Variants in MAPKAPK2 observed in about 807,000 individuals in gnomAD.
MAPKAPK2 encodes the protein MAPK activated protein kinase 2.
A neutral mutation model predicts 48.8 loss-of-function variants in MAPKAPK2; 9 were observed. The ratio of observed to expected loss-of-function variants is 0.18; its 90% confidence interval spans 0.11 to 0.32. MAPKAPK2 has a LOEUF of 0.32. Ranked by LOEUF, MAPKAPK2 falls within the 10% of genes least tolerant of loss-of-function variation. The probability of loss-of-function intolerance (pLI) is 1.00; values close to 1 mark genes in which losing one functional copy is unlikely to be tolerated. For synonymous variants in MAPKAPK2, 202 were observed against 190.6 expected (o/e 1.06, Z -0.49); for missense variants, 331 against 498.3 (o/e 0.66, Z 3.20).
intron 1 of MAPKAPK2, among the ~76,000 whole-genome samples, chr1:206,700,242 T>C (rs1672758710): frequency 6.6e-6 from 1 of 152,150 alleles, no homozygotes; most frequent in Admixed American, 6.5e-5. Context: ...AGTCAGTGCT[T>C]GGACTGAGGG....
At position 206,711,607 on chromosome 1, in the gene MAPKAPK2, C is replaced by CTTTTT. The variant is rs781793889; in HGVS notation, c.280-17086_280-17082dup. Among the ~76,000 whole-genome samples the CTTTTT allele has an allele frequency of 6.5e-4, 75 of 115,492 alleles. 1 individual carries two copies. The highest frequency in any genetic ancestry group is 9.5e-4 in the Non-Finnish European group (55 of 57,728). 75.8% of individuals were successfully genotyped at this position (115,492 alleles called of 152,430 possible). A position where few individuals can be genotyped will look rare whatever the true frequency, so the allele number is the denominator to read the frequency against. On this transcript the variant is annotated intron_variant, in intron 1 of 9. Transcript: ENST00000367103. ...TCAGTATGTCTTAATCTACCTCATTCTTTTTTTTTTTTTTTTTTTTTATGT... is the reference window on the plus strand; with the variant it reads ...TCAGTATGTCTTAATCTACCTCATTCTTTTTTTTTTTTTTTTTTTTTTTTTTATGT...
At chr1:206,711,494 A>T (rs6681711) in intron 1 of MAPKAPK2, among the ~76,000 whole-genome samples, 1 of 150,590 alleles carries the variant, frequency 6.6e-6, no homozygotes, top group Admixed American at 6.6e-5. Flanking sequence ...CAAGTGACCC[A>T]CCCACCTCGG....
At chr1:206,726,155 G>A (rs1673694948) in intron 1 of MAPKAPK2, among the ~76,000 whole-genome samples, 1 of 152,218 alleles carries the variant, frequency 6.6e-6, no homozygotes, top group African/African-American at 2.4e-5. Flanking sequence ...GGAGGCCAAG[G>A]TGGGGTATCA....
rs781904056 is a variant in MAPKAPK2 at position 206,730,672 on chromosome 1, G to A, written c.692-16G>A. On this transcript the variant is annotated splice_polypyrimidine_tract_variant and intron_variant, in intron 5 of 9. Coordinates refer to ENST00000367103, the MANE Select transcript of MAPKAPK2 (RefSeq NM_032960.4). The stretch of plus-strand genomic sequence containing the variant: ...TTCTGAGGGCCGGCCCACCCATGTT[G>A]ACCTTTGATTTGCAGCTCCAGAAGT... 6.2e-7 allele frequency: 1 copy of A among 1,611,700 alleles called. No individual in the cohort carries two copies. Among genetic ancestry groups the A allele is most frequent in the South Asian group, 1.1e-5 (1 of 91,014 alleles).
At position 206,731,193 on chromosome 1, in the gene MAPKAPK2, A is replaced by C; in HGVS notation, c.823A>C (p.Met275Leu). The stretch of plus-strand genomic sequence containing the variant: ...CCACGGCCTTGCCATCTCTCCGGGC[A>C]TGAAGACTCGCATCCGAATGGGCCA... Reference protein sequence around the residue: ...SNHGLAISPGMKTRIRMGQYE... With the variant: ...SNHGLAISPGLKTRIRMGQYE... The change falls in exon 7 of 10, where the codon ATG (methionine) becomes CTG (leucine). Residue 275 changes from methionine (M) to leucine (L), a missense_variant. Coordinates refer to ENST00000367103, the MANE Select transcript of MAPKAPK2 (RefSeq NM_032960.4). The surrounding 1 kb of genome is among the most constrained non-coding windows in gnomAD (Gnocchi z 5.9). The C allele has an allele frequency of 6.2e-7, 1 of 1,614,166 alleles. No individual in the cohort carries two copies. Among genetic ancestry groups the C allele is most frequent in the Non-Finnish European group, 8.5e-7 (1 of 1,180,030 alleles).
intron 1 of MAPKAPK2, among the ~76,000 whole-genome samples, chr1:206,707,559 T>G (rs553480029): frequency 6.6e-6 from 1 of 152,218 alleles, no homozygotes; most frequent in East Asian, 1.9e-4. Context: ...CCCTGGGCCC[T>G]GGGTTGTAGC....
At position 206,733,040 on chromosome 1, in the gene MAPKAPK2, C is replaced by T. The variant is rs1572520667; in HGVS notation, c.*322C>T. ...TGCCCCACTCCTCTCCACCAGACGC[C>T]TTCCTCTCTGGATACTGCAAAGGCT... is the stretch of plus-strand genomic sequence containing the variant. On this transcript the variant is annotated 3_prime_UTR_variant, in exon 10 of 10. Coordinates refer to ENST00000367103, the MANE Select transcript of MAPKAPK2 (RefSeq NM_032960.4). 3.4e-6 allele frequency: 1 copy of T among 293,634 alleles called. No homozygotes were observed. The highest frequency in any genetic ancestry group is 6.5e-6 in the Non-Finnish European group (1 of 154,568). 18.2% of individuals were successfully genotyped at this position (293,634 alleles called of 1,614,324 possible).
At chr1:206,691,504 T>TATATATATATATATATATATATTTAC (rs1424297313) in intron 1 of MAPKAPK2, among the ~76,000 whole-genome samples, 1 of 112,150 alleles carries the variant, frequency 8.9e-6, no homozygotes, top group Admixed American at 8.8e-5. Context: ...TATATATATA[T>TATATATATATATATATATATATTTAC]ACACACATAC....
chr1:206,687,823 GA>G (rs1312104020), intron 1 of MAPKAPK2, among the ~76,000 whole-genome samples: 8 of 152,222 alleles, frequency 5.3e-5, no homozygotes. Flanking sequence ...AGGTGCCTGA[GA>G]AAAGGGGAGG....
chr1:206,693,554 G>A (rs1672520005), intron 1 of MAPKAPK2, among the ~76,000 whole-genome samples: 1 of 152,104 alleles, frequency 6.6e-6, no homozygotes, highest in African/African-American at 2.4e-5. Flanking sequence ...CATCAGAGTG[G>A]ATCAGACCTT....
At chr1:206,722,065 C>CAAA (rs11431719) in intron 1 of MAPKAPK2, among the ~76,000 whole-genome samples, 30 of 126,008 alleles carry the variant, frequency 2.4e-4, no homozygotes, top group African/African-American at 8.9e-4. Flanking sequence ...AACTCTATTT[C>CAAA]AAAAAAAAAA....
At chr1:206,706,512 C>T (rs1466511902) in intron 1 of MAPKAPK2, among the ~76,000 whole-genome samples, 1 of 152,184 alleles carries the variant, frequency 6.6e-6, no homozygotes, top group Non-Finnish European at 1.5e-5. Flanking sequence ...AGGCTCCAGG[C>T]TCTCTGGAGG....
chr1:206,696,984 TC>T (rs1385334010), intron 1 of MAPKAPK2, among the ~76,000 whole-genome samples: 1 of 152,172 alleles, frequency 6.6e-6, no homozygotes, highest in African/African-American at 2.4e-5. Context: ...GAGCATTTCT[TC>T]CCTCTACCCA....
At chr1:206,717,263 A>G (rs1329520925) in intron 1 of MAPKAPK2, among the ~76,000 whole-genome samples, 2 of 152,206 alleles carry the variant, frequency 1.3e-5, no homozygotes, top group African/African-American at 4.8e-5. Flanking sequence ...TGTACGATGG[A>G]GTCAGCAATG....
rs1288881380 is a variant in MAPKAPK2 at position 206,733,831 on chromosome 1, C to T, written c.*1113C>T. ...GTTCTGGGGCATCAGCCAGCTACCC[C>T]TTGTGGGCAAAGGCAGGGCCACTTT... On this transcript the variant is annotated 3_prime_UTR_variant, in exon 10 of 10. Transcript: ENST00000367103. 1 of 152,894 alleles carries T rather than the reference C, an allele frequency of 6.5e-6. No homozygotes were observed. Among genetic ancestry groups the T allele is most frequent in the African/African-American group, 2.4e-5 (1 of 41,472 alleles). The allele number at this position is 152,894 out of a possible 1,614,324, so 9.5% of individuals were successfully genotyped here. A position where few individuals can be genotyped will look rare whatever the true frequency, so the allele number is the denominator to read the frequency against.
At chr1:206,708,157 T>G (rs1673024021) in intron 1 of MAPKAPK2, among the ~76,000 whole-genome samples, 1 of 152,224 alleles carries the variant, frequency 6.6e-6, no homozygotes, top group African/African-American at 2.4e-5. Context: ...GATTCCCTGT[T>G]GGCTAAGTTT....
chr1:206,697,905 G>C (rs1477650848), intron 1 of MAPKAPK2, among the ~76,000 whole-genome samples: 2 of 152,386 alleles, frequency 1.3e-5, no homozygotes, highest in East Asian at 1.9e-4. Context: ...CCTAGGACCT[G>C]TCTGGGCCTC....
intron 1 of MAPKAPK2, 108 bp downstream of exon 1, chr1:206,685,616 G>A: frequency 2.2e-6 from 2 of 894,918 alleles, no homozygotes; most frequent in South Asian, 9.9e-5. Flanking sequence ...CGGAGGGGTG[G>A]CCGCGGCGGG....
intron 1 of MAPKAPK2, among the ~76,000 whole-genome samples, chr1:206,712,890 C>T (rs1006685792): frequency 2.7e-5 from 4 of 150,280 alleles, no homozygotes; most frequent in South Asian, 2.1e-4. Context: ...CTCTTGGACC[C>T]GGGAGGTGGA....
Sources: gnomAD v4.1 joint callset for allele counts (sites outside exome capture counted in the v4.1 genomes callset) on GRCh38, gnomAD v4.1.1 for gene constraint, Gnocchi (gnomAD v3.1) non-coding constraint, MANE v1.5 for transcripts, NCBI Gene and HGNC (gene_info 2026-07-23, HGNC 2026-07-21) for gene names.